The following NR3C2 variants were observed in gnomAD, a reference collection of about 807,000 sequenced individuals.
NR3C2 encodes nuclear receptor subfamily 3 group C member 2, also known as mineralocorticoid receptor.
In NR3C2, 15 loss-of-function variants were observed where a neutral mutation model predicts 86.4. The observed-to-expected ratio is 0.17, with a 90% CI of 0.12 to 0.27. NR3C2 has a LOEUF of 0.27. Ranked by LOEUF, NR3C2 falls within the 10% of genes least tolerant of loss-of-function variation. NR3C2 has a pLI of 1.00. For missense variants in NR3C2, 960 were observed against 1,195.6 expected (o/e 0.80, Z 2.91); for synonymous variants, 458 against 450.5 (o/e 1.02, Z -0.21).
At chr4:148,423,483 G>A (rs1749379710) in intron 2 of NR3C2, among the ~76,000 whole-genome samples, 1 of 151,972 alleles carries the variant, frequency 6.6e-6, no homozygotes, top group African/African-American at 2.4e-5. Flanking sequence ...GACTATTCTA[G>A]CCCACATGGA....
At chr4:148,427,752 G>A (rs564866694) in intron 2 of NR3C2, among the ~76,000 whole-genome samples, 20 of 152,216 alleles carry the variant, frequency 1.3e-4, no homozygotes, top group Middle Eastern at 3.4e-3. Context: ...TCCAGATCTG[G>A]GTCAGGAAAA....
At chr4:148,181,447 C>G (rs1374264775) in intron 4 of NR3C2, among the ~76,000 whole-genome samples, 1 of 152,184 alleles carries the variant, frequency 6.6e-6, no homozygotes, top group Non-Finnish European at 1.5e-5. Flanking sequence ...CCTCTATATT[C>G]TATGGCCAGG....
At chr4:148,416,434 T>G (rs545370745) in intron 2 of NR3C2, among the ~76,000 whole-genome samples, 1 of 152,340 alleles carries the variant, frequency 6.6e-6, no homozygotes, top group South Asian at 2.1e-4. Flanking sequence ...ATCTCCATTT[T>G]ACAGATGAGA....
chr4:148,382,900 T>C, intron 2 of NR3C2, among the ~76,000 whole-genome samples: 1 of 152,242 alleles, frequency 6.6e-6, no homozygotes, highest in East Asian at 1.9e-4. Context: ...TACTATCCCT[T>C]CTCTGCAATA....
chr4:148,225,539 A>G lies in NR3C2; in HGVS notation c.1898-30677T>C, dbSNP rs186154459. 8.1e-4 allele frequency among the ~76,000 whole-genome samples: 123 copies of G among 152,268 alleles called. 1 individual carries two copies. In the East Asian group the frequency reaches 0.021, roughly 26 times the overall value. ...TTTAATTTTTTCTTTCCTGAAACTG[A>G]CACAAATATTCATTTAGAAAATATT... On this transcript the variant is annotated intron_variant, in intron 3 of 8. Transcript: ENST00000358102.
upstream of NR3C2, among the ~76,000 whole-genome samples, chr4:148,443,121 G>C (rs1750433115): frequency 6.7e-6 from 1 of 149,004 alleles, no homozygotes; most frequent in African/African-American, 2.5e-5. Flanking sequence ...CTGCCAGCGA[G>C]CAAGACGATC....
intron 4 of NR3C2, among the ~76,000 whole-genome samples, chr4:148,156,575 C>T (rs912009769): frequency 2.2e-4 from 33 of 152,302 alleles, no homozygotes; most frequent in Non-Finnish European, 3.8e-4. Flanking sequence ...CACTGGCCAT[C>T]AGAGAAATGC....
At chr4:148,228,014 A>G (rs1055073800) in intron 3 of NR3C2, among the ~76,000 whole-genome samples, 4 of 152,200 alleles carry the variant, frequency 2.6e-5, no homozygotes, top group Admixed American at 6.5e-5. Flanking sequence ...ACTGGGTGTC[A>G]CTGTATCTGG....
intron 6 of NR3C2, among the ~76,000 whole-genome samples, chr4:148,137,820 A>C (rs1177684175): frequency 2.0e-5 from 3 of 152,184 alleles, no homozygotes; most frequent in Non-Finnish European, 2.9e-5. Context: ...AACAGACTAA[A>C]TGTAAGAAGC....
intron 3 of NR3C2, among the ~76,000 whole-genome samples, chr4:148,199,080 C>CAAAAAA (rs60075012): frequency 2.7e-5 from 1 of 37,492 alleles, no homozygotes; most frequent in African/African-American, 9.8e-5. Flanking sequence ...GACTCCATCT[C>CAAAAAA]AAAAAAAAAA....
intron 2 of NR3C2, among the ~76,000 whole-genome samples, chr4:148,432,998 A>G (rs1367497997): frequency 6.6e-6 from 1 of 152,180 alleles, no homozygotes; most frequent in Admixed American, 6.6e-5. Flanking sequence ...AGCAGAATGA[A>G]TCCCTGTTGA....
intron 2 of NR3C2, among the ~76,000 whole-genome samples, chr4:148,376,145 C>CAAAAAAAAA (rs70962716): frequency 9.4e-6 from 1 of 105,842 alleles, no homozygotes; most frequent in Non-Finnish European, 1.9e-5. Context: ...AGGAGTAAGG[C>CAAAAAAAAA]AAAAAAAAAA....
chr4:148,326,400 C>CAAAT (rs992801653), intron 2 of NR3C2, among the ~76,000 whole-genome samples: 35 of 151,390 alleles, frequency 2.3e-4, no homozygotes, highest in African/African-American at 4.4e-4. Flanking sequence ...GACTCCATCT[C>CAAAT]AAATAAATAA....
At chr4:148,226,939 T>C (rs1016859433) in intron 3 of NR3C2, among the ~76,000 whole-genome samples, 3 of 152,206 alleles carry the variant, frequency 2.0e-5, no homozygotes, top group African/African-American at 7.2e-5. Flanking sequence ...TTTCAAATAA[T>C]TTCAGACTAA....
chr4:148,133,819 T>A (rs2149745223), intron 6 of NR3C2, among the ~76,000 whole-genome samples: 1 of 152,276 alleles, frequency 6.6e-6, no homozygotes, highest in South Asian at 2.1e-4. Context: ...TGTGCGAATG[T>A]GTTGGGGTGG....
chr4:148,147,061 T>A (rs898359279), intron 6 of NR3C2, among the ~76,000 whole-genome samples: 1 of 152,206 alleles, frequency 6.6e-6, no homozygotes, highest in Non-Finnish European at 1.5e-5. Flanking sequence ...CAAGGTAAAA[T>A]TGAATAATTA....
At chr4:148,395,394 A>C (rs1747809557) in intron 2 of NR3C2, among the ~76,000 whole-genome samples, 1 of 152,176 alleles carries the variant, frequency 6.6e-6, no homozygotes, top group Non-Finnish European at 1.5e-5. Flanking sequence ...TTCTGGAAAC[A>C]TGGCATCAGT....
chr4:148,247,869 A>T (rs61758922), intron 3 of NR3C2, among the ~76,000 whole-genome samples: 199 of 152,058 alleles, frequency 1.3e-3, no homozygotes, highest in Non-Finnish European at 2.0e-3. Flanking sequence ...TGATGTTCTA[A>T]GTTCTGAACC....
chr4:148,147,315 G>C (rs908513637), intron 6 of NR3C2, among the ~76,000 whole-genome samples: 1 of 152,162 alleles, frequency 6.6e-6, no homozygotes, highest in Non-Finnish European at 1.5e-5. Flanking sequence ...TTGTTCCTCT[G>C]TTTTAAATAT....
Sources: allele counts gnomAD v4.1 joint callset (sites outside exome capture counted in the v4.1 genomes callset), GRCh38; gene constraint gnomAD v4.1.1; transcripts MANE v1.5; gene names NCBI Gene and HGNC (gene_info 2026-07-23, HGNC 2026-07-21).